SAMSN1: variants seen among roughly 807,000 people sequenced by gnomAD.
The protein encoded by SAMSN1 is SAM domain, SH3 domain and nuclear localization signals 1.
SAMSN1 carries 31 observed loss-of-function variants against 42.0 expected under a neutral mutation model. The ratio of observed to expected loss-of-function variants is 0.74; its 90% CI spans 0.55 to 1.00. The LOEUF is 1.00. Among genes scored for constraint, SAMSN1 ranks in the 50% least tolerant of loss-of-function variants. The pLI is 0.00. For synonymous variants in SAMSN1, 178 were observed against 151.9 expected, an observed-to-expected ratio of 1.17 and a Z score of -1.26; for missense variants, 464 against 439.4, an observed-to-expected ratio of 1.06 and a Z score of -0.50.
intron 3 of SAMSN1, among the ~76,000 whole-genome samples, chr21:14,513,883 T>G (rs1005801665): frequency 6.6e-6 from 1 of 152,146 alleles, no homozygotes. Flanking sequence ...AATATTAGTG[T>G]GTGAGTTCAG....
chr21:14,554,703 T>TC (rs1306667012), intron 2 of SAMSN1, among the ~76,000 whole-genome samples: 8 of 149,714 alleles, frequency 5.3e-5, no homozygotes, highest in African/African-American at 2.0e-4. Context: ...TTTTTCTTTT[T>TC]TTTTTTTTTT....
intron 6 of SAMSN1, among the ~76,000 whole-genome samples, chr21:14,595,003 AC>A (rs1389394872): frequency 2.0e-5 from 3 of 152,152 alleles, no homozygotes; most frequent in African/African-American, 4.8e-5. Flanking sequence ...AGGTTTTCTT[AC>A]ATTTCAGGAG....
chr21:14,597,725 G>T (rs1353118752), intron 6 of SAMSN1, among the ~76,000 whole-genome samples: 1 of 152,176 alleles, frequency 6.6e-6, no homozygotes, highest in Non-Finnish European at 1.5e-5. Context: ...TCCAACCCGG[G>T]TGCCGCTTCT....
At chr21:14,505,237 T>C (rs926395189) in intron 5 of SAMSN1, among the ~76,000 whole-genome samples, 4 of 152,150 alleles carry the variant, frequency 2.6e-5, no homozygotes, top group Non-Finnish European at 5.9e-5. Flanking sequence ...ATGAATGGAA[T>C]AGTACCTCAT....
intron 2 of SAMSN1, among the ~76,000 whole-genome samples, chr21:14,632,635 A>G (rs73894115): frequency 0.027 from 4,115 of 152,300 alleles, 172 homozygotes; most frequent in African/African-American, 0.09. Flanking sequence ...GGCTTAAAAA[A>G]TACATGTTTA....
At chr21:14,601,982 C>A in intron 6 of SAMSN1, 1 of 649,630 alleles carries the variant, frequency 1.5e-6, no homozygotes, top group Non-Finnish European at 2.9e-6. Context: ...AGTAACAAGA[C>A]GATTTTCACA....
chr21:14,567,300 A>G (rs1366031908), intron 2 of SAMSN1, among the ~76,000 whole-genome samples: 16 of 30,612 alleles, frequency 5.2e-4, no homozygotes, highest in African/African-American at 3.8e-3. Flanking sequence ...GGCAAGCTTG[A>G]AAAAAAAAAA....
upstream of SAMSN1, among the ~76,000 whole-genome samples, chr21:14,549,966 A>G (rs1218466627): frequency 1.3e-5 from 2 of 152,108 alleles, no homozygotes; most frequent in African/African-American, 4.8e-5. Context: ...GTTTCCTGAA[A>G]TAAGTACACA....
intron 2 of SAMSN1, among the ~76,000 whole-genome samples, chr21:14,572,352 G>A (rs1793539195): frequency 6.6e-6 from 1 of 152,142 alleles, no homozygotes; most frequent in African/African-American, 2.4e-5. Flanking sequence ...TGACTTAACA[G>A]TTACACAGAC....
At chr21:14,532,242 A>G (rs950104549) in intron 1 of SAMSN1, among the ~76,000 whole-genome samples, 1 of 152,172 alleles carries the variant, frequency 6.6e-6, no homozygotes, top group African/African-American at 2.4e-5. Context: ...GCTTTATGCC[A>G]CCTGAGGTTG....
chr21:14,629,036 C>T (rs1983254449), intron 2 of SAMSN1, among the ~76,000 whole-genome samples: 1 of 152,084 alleles, frequency 6.6e-6, no homozygotes, highest in African/African-American at 2.4e-5. Context: ...TTCACTACTA[C>T]CTGATACTAC....
At chr21:14,589,694 T>C (rs1260999646) in intron 7 of SAMSN1, among the ~76,000 whole-genome samples, 1 of 152,168 alleles carries the variant, frequency 6.6e-6, no homozygotes, top group Non-Finnish European at 1.5e-5. Context: ...GATTGCGTTA[T>C]CTGTCTGAAT....
chr21:14,609,667 C>T, intron 4 of SAMSN1: 1 of 690,642 alleles, frequency 1.4e-6, no homozygotes, highest in Admixed American at 2.1e-5. Context: ...ACAGGATTTG[C>T]AACTTGGTAA....
intron 2 of SAMSN1, among the ~76,000 whole-genome samples, chr21:14,559,194 GA>G (rs1356442445): frequency 6.6e-6 from 1 of 152,096 alleles, no homozygotes; most frequent in Non-Finnish European, 1.5e-5. Context: ...ATATATAGGG[GA>G]AAAACATGGG....
chr21:14,622,208 A>G (rs1431472294), intron 2 of SAMSN1, among the ~76,000 whole-genome samples: 1 of 152,262 alleles, frequency 6.6e-6, no homozygotes, highest in Non-Finnish European at 1.5e-5. Flanking sequence ...TCTAAAAACC[A>G]GAGTGCCTCT....
chr21:14,497,905 C>A (rs1986978337), intron 7 of SAMSN1, among the ~76,000 whole-genome samples: 1 of 152,140 alleles, frequency 6.6e-6, no homozygotes, highest in Non-Finnish European at 1.5e-5. Context: ...TTAATACTTA[C>A]AAATACAGAG....
At chr21:14,494,159 T>C (rs1986811395) in intron 7 of SAMSN1, among the ~76,000 whole-genome samples, 1 of 152,214 alleles carries the variant, frequency 6.6e-6, no homozygotes, top group South Asian at 2.1e-4. Flanking sequence ...TGGCGATCCC[T>C]CACAGATCTA....
chr21:14,574,516 C>T (rs143901756), intron 2 of SAMSN1, among the ~76,000 whole-genome samples: 5 of 152,086 alleles, frequency 3.3e-5, no homozygotes, highest in Admixed American at 6.6e-5. Flanking sequence ...CATAACAATT[C>T]TATAACTAGA....
chr21:14,653,827 C>T (rs1029850991), intron 1 of SAMSN1, among the ~76,000 whole-genome samples: 1 of 132,582 alleles, frequency 7.5e-6, no homozygotes, highest in Non-Finnish European at 1.7e-5. Flanking sequence ...GAAAAAGCAT[C>T]AAGGGCAAAT....
Sources: allele counts gnomAD v4.1 joint callset (sites outside exome capture counted in the v4.1 genomes callset), GRCh38; gene constraint gnomAD v4.1.1; transcripts MANE v1.5; gene names NCBI Gene and HGNC (gene_info 2026-07-23, HGNC 2026-07-21).